SV2C: variants seen among roughly 807,000 people sequenced by gnomAD.
SV2C encodes the protein synaptic vesicle glycoprotein 2C, also known as solute carrier family 22 member B3.
In SV2C, 49 loss-of-function variants were observed where a neutral mutation model predicts 79.7. The ratio of observed to expected loss-of-function variants is 0.61; its 90% CI spans 0.49 to 0.78. The LOEUF is 0.78. Ranked by LOEUF, SV2C falls within the 30% of genes least tolerant of loss-of-function variation. SV2C has a pLI of 0.00. For missense variants in SV2C, 833 were observed against 912.9 expected (o/e 0.91, Z 1.13); for synonymous variants, 334 against 333.2 (o/e 1.00, Z -0.03).
At chr5:76,073,636 A>G in the SV2C span, among the ~76,000 whole-genome samples, 1 of 150,504 alleles carries the variant, frequency 6.6e-6, no homozygotes, top group Non-Finnish European at 1.5e-5. Flanking sequence ...TTCTAAGTGA[A>G]GTAACTCAGG....
At chr5:76,131,048 A>C (rs1748872702) in intron 1 of SV2C, among the ~76,000 whole-genome samples, 1 of 152,214 alleles carries the variant, frequency 6.6e-6, no homozygotes, top group African/African-American at 2.4e-5. Flanking sequence ...TGCTATGGGA[A>C]TATACTCCTT....
At chr5:76,258,983 G>A (rs1050062304) in intron 4 of SV2C, among the ~76,000 whole-genome samples, 10 of 152,142 alleles carry the variant, frequency 6.6e-5, no homozygotes, top group African/African-American at 2.4e-4. Flanking sequence ...TCTGTAGTTT[G>A]TTCCTTTTTA....
rs1249542699 is a variant in SV2C, at chr5:76,330,869, G to A, written c.*5322G>A. The A allele has an allele frequency of 2.0e-5, 3 of 149,656 alleles. No individual in the cohort carries two copies. Among genetic ancestry groups the A allele is most frequent in the Non-Finnish European group, 4.5e-5 (3 of 67,354 alleles). 9.3% of individuals were successfully genotyped at this position (149,656 alleles called of 1,614,324 possible). On this transcript the variant is annotated 3_prime_UTR_variant, in exon 13 of 13. Transcript: ENST00000502798. Reference sequence around the variant, plus strand: ...ATTTTTTTTTTTTTTTTGGGCGGGGGGGCGGGGGACGGAGTCTCGCTCTAT... The same window carrying A: ...ATTTTTTTTTTTTTTTTGGGCGGGGAGGCGGGGGACGGAGTCTCGCTCTAT...
At chr5:75,965,524 T>G in the SV2C span, among the ~76,000 whole-genome samples, 1 of 152,184 alleles carries the variant, frequency 6.6e-6, no homozygotes, top group African/African-American at 2.4e-5. Flanking sequence ...AGAGAACAGG[T>G]GCTCACCAGA....
intron 9 of SV2C, 134 bp from the exon 10 acceptor site, chr5:76,298,660 A>G: frequency 9.8e-7 from 1 of 1,024,650 alleles, no homozygotes. Flanking sequence ...AGCTAAGAAA[A>G]TCAAGAACTC....
chr5:76,195,117 A>G lies in SV2C; in HGVS notation c.761+18A>G. The G allele has an allele frequency of 2.5e-6, 4 of 1,608,674 alleles. No individual in the cohort carries two copies. Among genetic ancestry groups the G allele is most frequent in the East Asian group, 2.2e-5 (1 of 44,856 alleles). On this transcript the variant is annotated intron_variant, in intron 3 of 12. Coordinates refer to ENST00000502798, the MANE Select transcript of SV2C (RefSeq NM_014979.4). Reference sequence around the variant, plus strand: ...GGATTCGGGTAAGGTTTTCTCCTTCATATTTTATAGTAATGTGTTTATTCT... The same window carrying G: ...GGATTCGGGTAAGGTTTTCTCCTTCGTATTTTATAGTAATGTGTTTATTCT...
chr5:76,314,823 T>A (rs766951529), intron 12 of SV2C, among the ~76,000 whole-genome samples: 1 of 152,182 alleles, frequency 6.6e-6, no homozygotes, highest in Non-Finnish European at 1.5e-5. Context: ...AACAGCTCAC[T>A]TGGCTGTTGG....
In SV2C at chr5:76,223,497, GTA is replaced by G. The variant is rs1411545949; in HGVS notation, c.913+13614_913+13615del. Among the ~76,000 whole-genome samples the G allele has an allele frequency of 3.9e-3, 88 of 22,850 alleles. 4 individuals carry two copies. The highest frequency in any genetic ancestry group is 0.033 in the Middle Eastern group (1 of 30). 15.0% of individuals were successfully genotyped at this position (22,850 alleles called of 152,430 possible). A position where few individuals can be genotyped will look rare whatever the true frequency, so the allele number is the denominator to read the frequency against. On this transcript the variant is annotated intron_variant, in intron 4 of 12. Transcript: ENST00000502798. ...TATATATATATATATATATATATAT[GTA>G]TATGTATATAAAGATTTCATAAGAG...
chr5:75,983,055 A>G, the SV2C span, among the ~76,000 whole-genome samples: 1 of 152,162 alleles, frequency 6.6e-6, no homozygotes, highest in Non-Finnish European at 1.5e-5. Flanking sequence ...TAATCTGTAC[A>G]ACAAACCCTC....
At chr5:76,023,119 G>C in the SV2C span, among the ~76,000 whole-genome samples, 1 of 152,102 alleles carries the variant, frequency 6.6e-6, no homozygotes, top group Non-Finnish European at 1.5e-5. Context: ...GTAGATGTGA[G>C]GTTCTATTCT....
At chr5:75,875,600 G>A in the SV2C span, among the ~76,000 whole-genome samples, 1 of 152,116 alleles carries the variant, frequency 6.6e-6, no homozygotes, top group Non-Finnish European at 1.5e-5. Context: ...TTAAACTTAA[G>A]AGCTTCTGCA....
chr5:76,014,220 AGAAAG>A, the SV2C span, among the ~76,000 whole-genome samples: 1 of 151,446 alleles, frequency 6.6e-6, no homozygotes, highest in African/African-American at 2.4e-5. Context: ...GGAAAAGAAA[AGAAAG>A]AAAGGAAAGG....
chr5:76,019,693 C>A, the SV2C span, among the ~76,000 whole-genome samples: 1 of 151,566 alleles, frequency 6.6e-6, no homozygotes, highest in African/African-American at 2.4e-5. Flanking sequence ...GTGTCTTGTA[C>A]GCATGAATGA....
chr5:75,959,357 T>TA, the SV2C span, among the ~76,000 whole-genome samples: 1 of 152,012 alleles, frequency 6.6e-6, no homozygotes, highest in Non-Finnish European at 1.5e-5. Context: ...ACATTTCAGT[T>TA]AAGATCAGAA....
chr5:76,273,412 A>G (rs1746933766), intron 4 of SV2C, among the ~76,000 whole-genome samples: 1 of 151,824 alleles, frequency 6.6e-6, no homozygotes, highest in African/African-American at 2.4e-5. Context: ...GGCCCCAGGA[A>G]CCCTTTCTGA....
chr5:76,061,268 T>TAAAAAAAAAAAAAAAAAAA, the SV2C span, among the ~76,000 whole-genome samples: 1 of 51,610 alleles, frequency 1.9e-5, no homozygotes, highest in Non-Finnish European at 3.4e-5. Flanking sequence ...CTTCAATTTG[T>TAAAAAAAAAAAAAAAAAAA]AAAAAAAAAA....
intron 1 of SV2C, among the ~76,000 whole-genome samples, chr5:76,107,819 A>G (rs540856474): frequency 6.6e-6 from 1 of 152,288 alleles, no homozygotes; most frequent in Non-Finnish European, 1.5e-5. Flanking sequence ...CACTACTGCA[A>G]TCCAGCCTGG....
intron 6 of SV2C, among the ~76,000 whole-genome samples, chr5:76,288,931 G>T (rs888273770): frequency 6.6e-6 from 1 of 151,292 alleles, no homozygotes; most frequent in African/African-American, 2.4e-5. Flanking sequence ...CCAGGCTGGA[G>T]TGCAGTGGTG....
chr5:76,075,892 A>T, the SV2C span: 7 of 223,210 alleles, frequency 3.1e-5, no homozygotes, highest in Admixed American at 2.9e-4. Context: ...CAAACCAGGC[A>T]CCACTTCTCT....
Sources: allele counts gnomAD v4.1 joint callset (sites outside exome capture counted in the v4.1 genomes callset), GRCh38; gene constraint gnomAD v4.1.1; transcripts MANE v1.5; gene names NCBI Gene and HGNC (gene_info 2026-07-23, HGNC 2026-07-21).